The following SND1 variants were observed in gnomAD, a reference collection of about 807,000 sequenced individuals.
The protein encoded by SND1 is staphylococcal nuclease and tudor domain containing 1.
In SND1, 38 loss-of-function variants were observed where a neutral mutation model predicts 121.7. The observed-to-expected ratio is 0.31, with a 90% CI of 0.24 to 0.41. The LOEUF is 0.41. Ranked by LOEUF, SND1 falls within the 10% of genes least tolerant of loss-of-function variation. The probability of loss-of-function intolerance (pLI) is 1.00; values close to 1 mark genes in which losing one functional copy is unlikely to be tolerated. For synonymous variants in SND1, 401 were observed against 447.4 expected (o/e 0.90, Z 1.31); for missense variants, 868 against 1,184.6 (o/e 0.73, Z 3.92).
chr7:127,858,743 T>C (rs1456492604), intron 12 of SND1, among the ~76,000 whole-genome samples: 1 of 152,234 alleles, frequency 6.6e-6, no homozygotes, highest in African/African-American at 2.4e-5. Flanking sequence ...ATAAAACTTA[T>C]TTTGACCTTC....
chr7:127,886,079 A>G (rs1799900999), intron 12 of SND1, among the ~76,000 whole-genome samples: 4 of 152,048 alleles, frequency 2.6e-5, no homozygotes, highest in Admixed American at 2.0e-4. Context: ...TGTGATAATG[A>G]CAGCATTTGC....
At chr7:127,891,474 C>G (rs897647406) in intron 13 of SND1, among the ~76,000 whole-genome samples, 1 of 152,054 alleles carries the variant, frequency 6.6e-6, no homozygotes, top group African/African-American at 2.4e-5. Context: ...CACGTTACAG[C>G]GTGTCAGAGC....
intron 12 of SND1, among the ~76,000 whole-genome samples, chr7:127,859,257 C>T (rs1167526495): frequency 6.6e-6 from 1 of 152,176 alleles, no homozygotes; most frequent in Non-Finnish European, 1.5e-5. Flanking sequence ...CAGAGAGCCA[C>T]CCTTCCCCAC....
At chr7:127,801,882 C>T (rs1267748774) in intron 10 of SND1, among the ~76,000 whole-genome samples, 1 of 152,074 alleles carries the variant, frequency 6.6e-6, no homozygotes, top group Admixed American at 6.6e-5. Flanking sequence ...TGCTCTGTCG[C>T]CCCCGCTGGA....
intron 10 of SND1, among the ~76,000 whole-genome samples, chr7:127,766,636 G>T (rs192266325): frequency 2.0e-5 from 3 of 151,558 alleles, no homozygotes; most frequent in Non-Finnish European, 4.4e-5. Context: ...TTAGCCGGGC[G>T]TGGTGGCGGG....
At chr7:127,983,962 C>G (rs968040461) in intron 15 of SND1, among the ~76,000 whole-genome samples, 4 of 152,204 alleles carry the variant, frequency 2.6e-5, no homozygotes, top group African/African-American at 9.6e-5. Context: ...CATTCTCCCT[C>G]CTTTCTTGTG....
At position 128,074,559 on chromosome 7, in the gene SND1, A is replaced by T; in HGVS notation, c.1837A>T (p.Ile613Phe). 6.2e-7 allele frequency: 1 copy of T among 1,613,562 alleles called. No individual in the cohort carries two copies. The highest frequency in any genetic ancestry group is 8.5e-7 in the Non-Finnish European group (1 of 1,179,906). ...CGGCAACTTTATCGGCTGGCTGCAC[A>T]TCGACGGTGCCAACCTGTCCGTCCT... ...KAGNFIGWLHIDGANLSVLLV... is the reference protein window; with the variant it reads ...KAGNFIGWLHFDGANLSVLLV... Residue 613 changes from isoleucine to phenylalanine, a missense_variant, in exon 17 of 24, where the codon ATC becomes TTC. Physicochemically the swap from Ile to Phe is conservative, Grantham distance 21. This residue lies in a region of SND1 where 743 missense variants were observed against 1,071.3 expected (regional missense o/e 0.69). Coordinates refer to ENST00000354725, the MANE Select transcript of SND1 (RefSeq NM_014390.4).
At position 127,778,448 on chromosome 7, in the gene SND1, T is replaced by C. The variant is rs551523817; in HGVS notation, c.1153-29036T>C. Among the ~76,000 whole-genome samples the C allele has an allele frequency of 2.0e-5, 3 of 152,250 alleles. No individual in the cohort carries two copies. The South Asian group carries it at 6.2e-4, about 32-fold the overall frequency. On this transcript the variant is annotated intron_variant, in intron 10 of 23. Transcript: ENST00000354725. Reference sequence around the variant, plus strand: ...TCCTGACCTTGTGATCTGCCCACCTTGGCCTCCCAAAGTGCTGGGATTACA... The same window carrying C: ...TCCTGACCTTGTGATCTGCCCACCTCGGCCTCCCAAAGTGCTGGGATTACA...
At chr7:128,086,207 GTGAC>G (rs1178168235) in intron 20 of SND1, among the ~76,000 whole-genome samples, 3 of 152,260 alleles carry the variant, frequency 2.0e-5, no homozygotes, top group African/African-American at 4.8e-5. Context: ...CAAGGTGACA[GTGAC>G]TGACTGGCAC....
chr7:127,677,275 C>T (rs570025130), intron 1 of SND1, among the ~76,000 whole-genome samples: 6 of 152,130 alleles, frequency 3.9e-5, no homozygotes, highest in Non-Finnish European at 7.3e-5. Flanking sequence ...TGGATCATAA[C>T]AACTTATATA....
At chr7:127,733,567 T>C (rs959158180) in intron 10 of SND1, among the ~76,000 whole-genome samples, 9 of 152,176 alleles carry the variant, frequency 5.9e-5, no homozygotes, top group African/African-American at 2.2e-4. Context: ...TGATGCAAAG[T>C]TTTACAAGGG....
rs1290329046 is a variant in SND1 at position 128,074,680 on chromosome 7, A to G, written c.1958A>G (p.Lys653Arg). Residue 653 changes from lysine to arginine, a missense_variant, in exon 17 of 24, where the codon AAG becomes AGG. Physicochemically the swap from Lys to Arg is conservative, Grantham distance 26 (BLOSUM62 2). Coordinates refer to ENST00000354725, the MANE Select transcript of SND1 (RefSeq NM_014390.4). ...LLSAEEAAKQKKEKVWAHYEE... is the reference protein window; with the variant it reads ...LLSAEEAAKQRKEKVWAHYEE... Reference sequence around the variant, plus strand: ...TCTGCCGAGGAGGCCGCAAAGCAGAAGAAAGAGAAGGTACATGTGGCAGCC... The same window carrying G: ...TCTGCCGAGGAGGCCGCAAAGCAGAGGAAAGAGAAGGTACATGTGGCAGCC... 1.9e-6 allele frequency: 3 copies of G among 1,610,964 alleles called. No individual in the cohort carries two copies. Among genetic ancestry groups the G allele is most frequent in the Non-Finnish European group, 2.5e-6 (3 of 1,178,696 alleles).
chr7:127,941,375 T>G (rs991602448), intron 15 of SND1, among the ~76,000 whole-genome samples: 3 of 152,162 alleles, frequency 2.0e-5, no homozygotes, highest in Non-Finnish European at 2.9e-5. Flanking sequence ...CTTAATATAC[T>G]TATTATACTC....
At chr7:127,885,079 A>G (rs910761817) in intron 12 of SND1, among the ~76,000 whole-genome samples, 4 of 152,068 alleles carry the variant, frequency 2.6e-5, no homozygotes, top group Non-Finnish European at 5.9e-5. Context: ...GATCATCCTT[A>G]CCTTCCTATG....
intron 9 of SND1, among the ~76,000 whole-genome samples, chr7:127,711,263 A>G (rs1214082503): frequency 6.6e-6 from 1 of 152,214 alleles, no homozygotes; most frequent in African/African-American, 2.4e-5. Flanking sequence ...ACTTTGTTTT[A>G]GTGGCATACA....
chr7:128,063,724 G>A (rs1486592340), intron 16 of SND1, among the ~76,000 whole-genome samples: 1 of 152,238 alleles, frequency 6.6e-6, no homozygotes, highest in Non-Finnish European at 1.5e-5. Context: ...GATAAGTAAT[G>A]GAGTGGTTCA....
intron 12 of SND1, among the ~76,000 whole-genome samples, chr7:127,874,320 A>G (rs2116705670): frequency 6.6e-6 from 1 of 152,306 alleles, no homozygotes; most frequent in Admixed American, 6.5e-5. Flanking sequence ...TGTTACATCC[A>G]TTGTTTAACA....
chr7:127,958,108 T>C (rs185451418), intron 15 of SND1, among the ~76,000 whole-genome samples: 14 of 152,316 alleles, frequency 9.2e-5, no homozygotes, highest in Admixed American at 9.2e-4. Flanking sequence ...AAGCAAACTA[T>C]ATGAAACAAA....
At chr7:127,947,764 A>T (rs1007763780) in intron 15 of SND1, among the ~76,000 whole-genome samples, 3 of 152,194 alleles carry the variant, frequency 2.0e-5, no homozygotes, top group African/African-American at 7.2e-5. Flanking sequence ...ATTTTCACTG[A>T]AATGAATACT....
Sources: gnomAD v4.1 joint callset for allele counts (sites outside exome capture counted in the v4.1 genomes callset) on GRCh38, gnomAD v4.1.1 for gene constraint, gnomAD v4.1.1 regional missense constraint, MANE v1.5 for transcripts, NCBI Gene and HGNC (gene_info 2026-07-23, HGNC 2026-07-21) for gene names.